The following SPECC1 variants were observed in gnomAD, a reference collection of about 807,000 sequenced individuals.
The protein encoded by SPECC1 is cytospin-B.
SPECC1 carries 62 observed loss-of-function variants against 104.1 expected under a neutral mutation model. That is an observed-to-expected ratio of 0.60 (90% CI 0.49 to 0.74). The LOEUF is 0.74. Ranked by LOEUF, SPECC1 falls within the 30% of genes least tolerant of loss-of-function variation. The pLI is 0.00. For missense variants in SPECC1, 1,306 were observed against 1,310.5 expected (o/e 1.00, Z 0.05); for synonymous variants, 513 against 501.6 (o/e 1.02, Z -0.30).
At chr17:20,198,182 C>G (rs1012101841) in intron 3 of SPECC1, among the ~76,000 whole-genome samples, 5 of 152,206 alleles carry the variant, frequency 3.3e-5, no homozygotes, top group Admixed American at 3.3e-4. Context: ...CTGCTTAACA[C>G]CCAATATCAA....
intron 12 of SPECC1, among the ~76,000 whole-genome samples, chr17:20,288,774 T>C (rs868348566): frequency 3.2e-4 from 10 of 31,286 alleles, no homozygotes; most frequent in African/African-American, 1.8e-3. Context: ...GGCACTTCTT[T>C]TTTTTTTTTT....
At chr17:20,239,867 C>T (rs1205373852) in intron 7 of SPECC1, among the ~76,000 whole-genome samples, 1 of 127,948 alleles carries the variant, frequency 7.8e-6, no homozygotes, top group Non-Finnish European at 1.6e-5. Flanking sequence ...CTTTAATTTG[C>T]ATTTCGCTGA....
rs946286930 is a variant in SPECC1, at chr17:20,150,038, T to A, written c.283+39476T>A. Reference sequence around the variant, plus strand: ...CCCAGGCTGGAGTGCAGAGGTGCGATCTCGGCTCACTGCAAGCTCCGCCTC... The same window carrying A: ...CCCAGGCTGGAGTGCAGAGGTGCGAACTCGGCTCACTGCAAGCTCCGCCTC... On this transcript the variant is annotated intron_variant, in intron 3 of 14. Coordinates refer to ENST00000395527, the MANE Select transcript of SPECC1 (RefSeq NM_001243439.2). Among the ~76,000 whole-genome samples the A allele has an allele frequency of 8.5e-5, 13 of 152,128 alleles. No homozygotes were observed. The East Asian group carries it at 1.8e-3, about 21-fold the overall frequency.
chr17:20,042,108 C>T (rs1277023742), intron 1 of SPECC1, among the ~76,000 whole-genome samples: 1 of 152,160 alleles, frequency 6.6e-6, no homozygotes, highest in East Asian at 1.9e-4. Context: ...AGACTCTAGA[C>T]CTTATTTAAA....
intron 3 of SPECC1, among the ~76,000 whole-genome samples, chr17:20,132,109 G>A (rs1378297868): frequency 6.6e-6 from 1 of 151,948 alleles, no homozygotes; most frequent in Non-Finnish European, 1.5e-5. Flanking sequence ...TACCATGAGT[G>A]GATTTTGAAT....
intron 3 of SPECC1, among the ~76,000 whole-genome samples, chr17:20,177,067 G>C (rs2034520682): frequency 6.6e-6 from 1 of 152,216 alleles, no homozygotes; most frequent in Non-Finnish European, 1.5e-5. Context: ...GGAAAAGTTT[G>C]ATAGAAGAGA....
At chr17:20,263,464 C>T (rs1031725226) in intron 12 of SPECC1, among the ~76,000 whole-genome samples, 48 of 150,724 alleles carry the variant, frequency 3.2e-4, no homozygotes, top group Non-Finnish European at 5.5e-4. Context: ...CACATATATA[C>T]ATATGTAACA....
chr17:20,102,994 A>G (rs553493481), intron 2 of SPECC1, among the ~76,000 whole-genome samples: 2 of 152,284 alleles, frequency 1.3e-5, no homozygotes, highest in Admixed American at 1.3e-4. Flanking sequence ...CTTACTTTTT[A>G]GGTGAAGAAA....
chr17:20,015,309 T>C (rs926820902), intron 1 of SPECC1, among the ~76,000 whole-genome samples: 1 of 151,774 alleles, frequency 6.6e-6, no homozygotes, highest in African/African-American at 2.4e-5. Flanking sequence ...TTTTTTTTTT[T>C]TTTGAGACAG....
Position 20,145,902 on chromosome 17 carries a change from A to T in SPECC1, c.283+35340A>T, listed in dbSNP as rs147059149. 2.9e-4 allele frequency among the ~76,000 whole-genome samples: 44 copies of T among 152,336 alleles called. No homozygotes were observed. The East Asian group carries it at 8.3e-3, about 29-fold the overall frequency. On this transcript the variant is annotated intron_variant, in intron 3 of 14. Coordinates refer to ENST00000395527, the MANE Select transcript of SPECC1 (RefSeq NM_001243439.2). ...TATTTGGATCAGGAATGTTTAAAAA[A>T]TTAATGGGCTTTATCTTTTAGAGGT...
chr17:20,156,375 G>C, intron 3 of SPECC1: 3 of 995,496 alleles, frequency 3.0e-6, no homozygotes, highest in South Asian at 4.4e-5. Flanking sequence ...TCTTGTCGTT[G>C]GAATGCGCCG....
intron 3 of SPECC1, among the ~76,000 whole-genome samples, chr17:20,177,612 C>T (rs1241515060): frequency 6.6e-6 from 1 of 152,164 alleles, no homozygotes; most frequent in Non-Finnish European, 1.5e-5. Context: ...ATTAAATACT[C>T]TCAACTATCC....
chr17:20,179,810 G>A (rs991002175), intron 3 of SPECC1, among the ~76,000 whole-genome samples: 1 of 152,112 alleles, frequency 6.6e-6, no homozygotes, highest in Non-Finnish European at 1.5e-5. Context: ...TGTTGCAGCA[G>A]GAAACATTGC....
chr17:20,272,573 T>G (rs959934586), intron 12 of SPECC1, among the ~76,000 whole-genome samples: 3 of 152,242 alleles, frequency 2.0e-5, no homozygotes, highest in African/African-American at 7.2e-5. Flanking sequence ...GCAGCCATTC[T>G]ACTTTGTATC....
intron 7 of SPECC1, among the ~76,000 whole-genome samples, chr17:20,234,757 G>A (rs531978872): frequency 2.0e-3 from 298 of 152,328 alleles, no homozygotes; most frequent in Middle Eastern, 6.8e-3. Context: ...GTTTGCGTCC[G>A]TGGGCACTCA....
intron 12 of SPECC1, among the ~76,000 whole-genome samples, chr17:20,291,658 C>CT (rs1300245000): frequency 6.6e-6 from 1 of 152,072 alleles, no homozygotes; most frequent in African/African-American, 2.4e-5. Flanking sequence ...GATCTTCCTG[C>CT]TTCAGCCTCC....
At chr17:20,120,710 A>G (rs1283140331) in intron 3 of SPECC1, among the ~76,000 whole-genome samples, 2 of 152,146 alleles carry the variant, frequency 1.3e-5, no homozygotes, top group African/African-American at 4.8e-5. Context: ...CAATTGTATT[A>G]ATTTTGAGAA....
intron 1 of SPECC1, among the ~76,000 whole-genome samples, chr17:20,048,742 C>A (rs927448194): frequency 6.6e-6 from 1 of 151,394 alleles, no homozygotes; most frequent in Non-Finnish European, 1.5e-5. Flanking sequence ...CCTGTATATA[C>A]AAAAATTAGC....
intron 3 of SPECC1, among the ~76,000 whole-genome samples, chr17:20,163,735 G>GT (rs1389661600): frequency 2.0e-5 from 3 of 151,984 alleles, no homozygotes; most frequent in Non-Finnish European, 2.9e-5. Context: ...TAATTTTTGT[G>GT]TTTTTTATAG....
Sources: allele counts gnomAD v4.1 joint callset (sites outside exome capture counted in the v4.1 genomes callset), GRCh38; gene constraint gnomAD v4.1.1; transcripts MANE v1.5; gene names NCBI Gene and HGNC (gene_info 2026-07-23, HGNC 2026-07-21).